Variants in RAPGEF3 observed in about 807,000 individuals in gnomAD.
RAPGEF3 encodes 9330170P05Rik.
In RAPGEF3, 103 loss-of-function variants were observed where a neutral mutation model predicts 129.8. That is an observed-to-expected ratio of 0.79 (90% CI 0.68 to 0.93). The LOEUF is 0.93. Ranked by LOEUF, RAPGEF3 falls within the 40% of genes least tolerant of loss-of-function variation. The probability of loss-of-function intolerance (pLI) is 0.00; values close to 1 mark genes in which losing one functional copy is unlikely to be tolerated. For missense variants in RAPGEF3, 1,117 were observed against 1,207.4 expected (o/e 0.93, Z 1.11); for synonymous variants, 436 against 482.6 (o/e 0.90, Z 1.26).
chr12:47,743,822 T>C, intron 17 of RAPGEF3, 146 bp from the exon 18 acceptor site: 2 of 1,368,762 alleles, frequency 1.5e-6, no homozygotes, highest in Non-Finnish European at 2.0e-6. Context: ...AAGAGGCAGG[T>C]AGGAGGCAGA....
At chr12:47,738,881 C>A in intron 24 of RAPGEF3, 127 bp from the exon 25 acceptor site, 2 of 881,588 alleles carry the variant, frequency 2.3e-6, no homozygotes, top group Non-Finnish European at 3.7e-6. Context: ...TCTGCCCCCT[C>A]CAAGCCCCAG....
Position 47,749,420 on chromosome 12 carries a change from C to T in RAPGEF3, c.1011G>A (p.Val337=), listed in dbSNP as rs1257606561. 6.2e-7 allele frequency: 1 copy of T among 1,613,250 alleles called. No homozygotes were observed. Among genetic ancestry groups the T allele is most frequent in the South Asian group, 1.1e-5 (1 of 91,084 alleles). ...LREDNCHFLR[V]DKQDFNRIIK... is the part of the protein sequence containing the mutation. The stretch of plus-strand genomic sequence containing the variant: ...TGATACGGTTGAAGTCCTGCTTGTC[C>T]ACACGCAGGAAATGACAGTTGTCTT... The change falls in exon 10 of 28, where the codon GTG becomes GTA. Residue 337 remains valine (V), a synonymous_variant. Transcript: ENST00000449771. This position sits in a 1 kb window ranked among gnomAD's most constrained non-coding sequence, Gnocchi z 4.5.
At position 47,749,427 on chromosome 12, in the gene RAPGEF3, A is replaced by G; in HGVS notation, c.1004T>C (p.Leu335Pro). The G allele has an allele frequency of 6.2e-7, 1 of 1,613,278 alleles. No individual in the cohort carries two copies. Among genetic ancestry groups the G allele is most frequent in the Non-Finnish European group, 8.5e-7 (1 of 1,180,002 alleles). ...IILREDNCHF[L>P]RVDKQDFNRI... Reference sequence around the variant, plus strand: ...GTTGAAGTCCTGCTTGTCCACACGCAGGAAATGACAGTTGTCTTCTCGCAG... The same window carrying G: ...GTTGAAGTCCTGCTTGTCCACACGCGGGAAATGACAGTTGTCTTCTCGCAG... The change falls in exon 10 of 28, where the codon CTG (leucine) becomes CCG (proline). Residue 335 changes from leucine (L) to proline (P), a missense_variant. Coordinates refer to ENST00000449771, the MANE Select transcript of RAPGEF3 (RefSeq NM_001098531.4). The surrounding 1 kb of genome is among the most constrained non-coding windows in gnomAD (Gnocchi z 4.5).
chr12:47,740,897 C>A lies in RAPGEF3; in HGVS notation c.2049+18G>T. 1 of 1,613,950 alleles carries A rather than the reference C, an allele frequency of 6.2e-7. No individual in the cohort carries two copies. The highest frequency in any genetic ancestry group is 1.6e-4 in the Middle Eastern group (1 of 6,062). ...CGCCCCGCCGCCTGCTCTCCTCCCCCAGCTCTGCCTCCCATACCTGGTGGA... is the reference window on the plus strand; with the variant it reads ...CGCCCCGCCGCCTGCTCTCCTCCCCAAGCTCTGCCTCCCATACCTGGTGGA... On this transcript the variant is annotated intron_variant, in intron 20 of 27. Transcript: ENST00000449771.
At chr12:47,742,358 G>A (rs988362869) in intron 18 of RAPGEF3, 1 of 152,262 alleles carries the variant, frequency 6.6e-6, no homozygotes, top group African/African-American at 2.4e-5. Context: ...ACATAGTAGG[G>A]TCTCAATAAA....
At chr12:47,744,171 C>T in intron 16 of RAPGEF3, 103 bp from the exon 17 acceptor site, 1 of 898,720 alleles carries the variant, frequency 1.1e-6, no homozygotes, top group Non-Finnish European at 1.7e-6. Context: ...ACGGGCGCCA[C>T]ACAGCATTCA....
chr12:47,747,772 C>A lies in RAPGEF3; in HGVS notation c.1413G>T (p.Gln471His), dbSNP rs1470326106. ...GCATGGAGCCATACAGGGCCACCCA[C>A]TGGCTGACCAGCCGCAAGATCTGCT... is the stretch of plus-strand genomic sequence containing the variant. ...KRQQILRLVS[Q>H]WVALYGSMLH... The change falls in exon 14 of 28, where the codon CAG becomes CAT. Residue 471 changes from glutamine to histidine, a missense_variant. Around this residue, in one of 3 missense-constraint regions of RAPGEF3, gnomAD observed 643 missense variants for 673.4 expected, o/e 0.95. Transcript: ENST00000449771. 6.2e-7 allele frequency: 1 copy of A among 1,608,772 alleles called. No individual in the cohort carries two copies. The highest frequency in any genetic ancestry group is 8.5e-7 in the Non-Finnish European group (1 of 1,179,976).
chr12:47,758,550 C>T lies in RAPGEF3; in HGVS notation c.6+1G>A, dbSNP rs376746774. On this transcript the variant is annotated splice_donor_variant, in intron 1 of 27. Transcript: ENST00000449771. LOFTEE classifies it high-confidence loss of function. ...CTCAACCCTGACCCCACCTTACCCA[C>T]CTTCATGTTTCTTTTCAAGCTCGCA... is the stretch of plus-strand genomic sequence containing the variant. The T allele has an allele frequency of 3.1e-6, 5 of 1,613,808 alleles. No homozygotes were observed. In the African/African-American group the frequency reaches 4.0e-5, roughly 13 times the overall value.
chr12:47,752,280 G>T (rs919408671), intron 2 of RAPGEF3, among the ~76,000 whole-genome samples: 34 of 152,216 alleles, frequency 2.2e-4, no homozygotes, highest in Admixed American at 2.1e-3. Flanking sequence ...AACTGCCCCT[G>T]TTGGGGGAAA....
chr12:47,756,526 C>G (rs771147184), intron 2 of RAPGEF3: 4 of 152,146 alleles, frequency 2.6e-5, no homozygotes, highest in African/African-American at 9.7e-5. Flanking sequence ...CATGTGGACT[C>G]TCCTCTCAAT....
chr12:47,739,925 C>A lies in RAPGEF3; in HGVS notation c.2373+216G>T. ...TGCACACACTGAGGGCCAGGATGCA[C>A]CGTGCAACCCCTATCCTAGTGCTGA... On this transcript the variant is annotated intron_variant, in intron 23 of 27. Transcript: ENST00000449771. 6.5e-6 allele frequency: 4 copies of A among 611,344 alleles called. No individual in the cohort carries two copies. The South Asian group carries it at 7.6e-5, about 12-fold the overall frequency. 37.9% of individuals were successfully genotyped at this position (611,344 alleles called of 1,614,324 possible). A position where few individuals can be genotyped will look rare whatever the true frequency, so the allele number is the denominator to read the frequency against.
chr12:47,745,547 CTCT>C (rs1158025120), intron 16 of RAPGEF3: 2 of 152,508 alleles, frequency 1.3e-5, no homozygotes, highest in African/African-American at 4.8e-5. Context: ...ACCAGGAATC[CTCT>C]TCTTCCTCCA....
In RAPGEF3 at chr12:47,757,992, G is replaced by A. The variant is rs1942192118; in HGVS notation, c.93C>T (p.Leu31=). The change falls in exon 2 of 28, where the codon CTC becomes CTT. Residue 31 remains leucine (L), a synonymous_variant. Transcript: ENST00000449771. The part of the protein sequence containing the change: ...PALGAPRVGA[L]PDVVPEGTLL... ...GTGTCCCCTCCGGCACCACGTCAGG[G>A]AGGGCTCCCACCCGCGGTGCTCCCA... is the stretch of plus-strand genomic sequence containing the variant. 1 of 1,572,506 alleles carries A rather than the reference G, an allele frequency of 6.4e-7. No individual in the cohort carries two copies. Among genetic ancestry groups the A allele is most frequent in the African/African-American group, 1.4e-5 (1 of 74,056 alleles).
rs1332106646 is a variant in RAPGEF3, at chr12:47,751,183, G to A, written c.536C>T (p.Ala179Val). The A allele has an allele frequency of 6.4e-7, 1 of 1,553,404 alleles. No homozygotes were observed. Among genetic ancestry groups the A allele is most frequent in the Non-Finnish European group, 8.7e-7 (1 of 1,148,300 alleles). The change falls in exon 6 of 28, where the codon GCC (alanine) becomes GTC (valine). Residue 179 changes from alanine to valine, a missense_variant. Transcript: ENST00000449771. Reference sequence around the variant, plus strand: ...GGGCCCGGGGAACCGGTAGAATTGGGCATCTCGGTCCTGGAAGGCCCAGTC... The same window carrying A: ...GGGCCCGGGGAACCGGTAGAATTGGACATCTCGGTCCTGGAAGGCCCAGTC... ...KHDWAFQDRDAQFYRFPGPEP... is the reference protein window; with the variant it reads ...KHDWAFQDRDVQFYRFPGPEP...
Position 47,750,686 on chromosome 12 carries a change from G to A in RAPGEF3, c.672-261C>T, listed in dbSNP as rs148345319. Among the ~76,000 whole-genome samples, 63 of 152,364 alleles carry A rather than the reference G, an allele frequency of 4.1e-4. 1 individual carries two copies. The highest frequency in any genetic ancestry group is 1.5e-3 in the African/African-American group (62 of 41,582). ...CAGGAACTAGCATGAGGAGGCTCAAGGTCACCCAGCCAGTAGCCAGTCCAG... is the reference window on the plus strand; with the variant it reads ...CAGGAACTAGCATGAGGAGGCTCAAAGTCACCCAGCCAGTAGCCAGTCCAG... On this transcript the variant is annotated intron_variant, in intron 6 of 27. Transcript: ENST00000449771.
Position 47,737,374 on chromosome 12 carries a change from G to A in RAPGEF3, c.*193C>T, listed in dbSNP as rs915996628. 4 of 594,984 alleles carry A rather than the reference G, an allele frequency of 6.7e-6. No individual in the cohort carries two copies. Among genetic ancestry groups the A allele is most frequent in the Non-Finnish European group, 8.9e-6 (3 of 335,654 alleles). 36.9% of individuals were successfully genotyped at this position (594,984 alleles called of 1,614,324 possible). ...GGGTCATTCGTTATTCCTGGCTCGG[G>A]TCCACTCCGAGGTCCTCCTTAGCTG... On this transcript the variant is annotated 3_prime_UTR_variant, in exon 28 of 28. Transcript: ENST00000449771.
chr12:47,740,728 C>G lies in RAPGEF3; in HGVS notation c.2145G>C (p.Gln715His). The part of the protein sequence containing the change: ...ERFMRRFNEL[Q>H]YWVATELCLC... ...GACACAGCTCGGTGGCCACCCAGTA[C>G]TGCAGCTCATTGAAGCGGCGCATGA... is the stretch of plus-strand genomic sequence containing the variant. The change falls in exon 21 of 28, where the codon CAG (glutamine) becomes CAC (histidine). Residue 715 changes from glutamine to histidine, a missense_variant. Physicochemically the swap from Gln to His is conservative, Grantham distance 24. Transcript: ENST00000449771. 2 of 1,614,050 alleles carry G rather than the reference C, an allele frequency of 1.2e-6. No individual in the cohort carries two copies. The highest frequency in any genetic ancestry group is 1.7e-6 in the Non-Finnish European group (2 of 1,179,984).
chr12:47,739,572 A>G (rs1268116133), intron 23 of RAPGEF3: 1 of 483,656 alleles, frequency 2.1e-6, no homozygotes, highest in African/African-American at 2.0e-5. Flanking sequence ...CTTGAGCCCC[A>G]CGAGGTGGAT....
At chr12:47,757,702 C>T (rs952883710) in intron 2 of RAPGEF3, among the ~76,000 whole-genome samples, 164 bp downstream of exon 2, 6 of 152,162 alleles carry the variant, frequency 3.9e-5, no homozygotes, top group African/African-American at 1.4e-4. Context: ...TGTGAGCCAC[C>T]CACGCACACT....
Sources: allele counts gnomAD v4.1 joint callset (sites outside exome capture counted in the v4.1 genomes callset), GRCh38; gene constraint gnomAD v4.1.1; regional missense constraint gnomAD v4.1.1; non-coding constraint Gnocchi (gnomAD v3.1); transcripts MANE v1.5; gene names NCBI Gene and HGNC (gene_info 2026-07-23, HGNC 2026-07-21).